TNFSF4: variants seen among roughly 807,000 people sequenced by gnomAD.
TNFSF4 encodes the protein tumor necrosis factor ligand superfamily member 4.
A neutral mutation model predicts 7.3 loss-of-function variants in TNFSF4; 4 were observed. The observed-to-expected ratio is 0.55, with a 90% confidence interval of 0.27 to 1.25. The LOEUF (loss-of-function observed/expected upper bound fraction) is 1.25. Among genes scored for constraint, TNFSF4 ranks in the 50% most tolerant of loss-of-function variants. The pLI is 0.12. For missense variants in TNFSF4, 181 were observed against 208.8 expected (o/e 0.87, Z 0.82); for synonymous variants, 76 against 83.7 (o/e 0.91, Z 0.50).
chr1:173,330,188 C>A, the TNFSF4 span, among the ~76,000 whole-genome samples: 2 of 152,022 alleles, frequency 1.3e-5, no homozygotes, highest in Admixed American at 1.3e-4. Flanking sequence ...TGTTCAAAAG[C>A]AATTCAACAT....
At chr1:173,288,733 TGTGA>T in the TNFSF4 span, among the ~76,000 whole-genome samples, 1 of 152,018 alleles carries the variant, frequency 6.6e-6, no homozygotes, top group Non-Finnish European at 1.5e-5. Flanking sequence ...AAAACACAAT[TGTGA>T]GTAATTCATG....
the TNFSF4 span, among the ~76,000 whole-genome samples, chr1:173,428,899 C>T: frequency 4.6e-5 from 7 of 151,740 alleles, no homozygotes; most frequent in African/African-American, 1.5e-4. Flanking sequence ...CCCAGCTATT[C>T]GGGAGTCTGA....
At chr1:173,448,950 G>A in the TNFSF4 span, among the ~76,000 whole-genome samples, 1 of 152,172 alleles carries the variant, frequency 6.6e-6, no homozygotes, top group African/African-American at 2.4e-5. Context: ...GAAACCAACC[G>A]ATAAAGTTTG....
the TNFSF4 span, among the ~76,000 whole-genome samples, chr1:173,378,326 C>T: frequency 6.6e-6 from 1 of 152,128 alleles, no homozygotes; most frequent in Non-Finnish European, 1.5e-5. Context: ...GTTTCTGCTG[C>T]TGCATCCGGG....
At chr1:173,368,713 G>T in the TNFSF4 span, among the ~76,000 whole-genome samples, 5 of 152,120 alleles carry the variant, frequency 3.3e-5, no homozygotes, top group Non-Finnish European at 7.4e-5. Flanking sequence ...CAACAAGTTG[G>T]TTGACCCTGC....
At chr1:173,187,709 C>A (rs969239928) in intron 2 of TNFSF4, among the ~76,000 whole-genome samples, 1 of 152,156 alleles carries the variant, frequency 6.6e-6, no homozygotes, top group African/African-American at 2.4e-5. Flanking sequence ...GAGTAGGAGG[C>A]AGTGATAGAC....
downstream of TNFSF4, among the ~76,000 whole-genome samples, chr1:173,182,061 TA>T (rs1336684481): frequency 6.6e-6 from 1 of 152,216 alleles, no homozygotes; most frequent in Non-Finnish European, 1.5e-5. Flanking sequence ...TTTGATATTT[TA>T]AAATGCTACT....
chr1:173,346,809 T>C, the TNFSF4 span, among the ~76,000 whole-genome samples: 5 of 152,178 alleles, frequency 3.3e-5, no homozygotes, highest in Admixed American at 2.0e-4. Context: ...CATTATATTA[T>C]TGAATAATCA....
At chr1:173,324,428 A>G in the TNFSF4 span, among the ~76,000 whole-genome samples, 3 of 152,238 alleles carry the variant, frequency 2.0e-5, no homozygotes, top group Non-Finnish European at 4.4e-5. Context: ...TGTAAAGACC[A>G]TCAAGGCTAG....
chr1:173,208,287 G>A (rs1460796874), upstream of TNFSF4, among the ~76,000 whole-genome samples: 1 of 152,112 alleles, frequency 6.6e-6, no homozygotes, highest in Non-Finnish European at 1.5e-5. Flanking sequence ...AGGATGCTGG[G>A]GAAAAGCTGT....
chr1:173,414,715 G>C, the TNFSF4 span, among the ~76,000 whole-genome samples: 1 of 152,198 alleles, frequency 6.6e-6, no homozygotes, highest in Admixed American at 6.5e-5. Flanking sequence ...GTCAGCCCTG[G>C]AGCGAGGGGA....
At chr1:173,379,029 T>C in the TNFSF4 span, among the ~76,000 whole-genome samples, 1 of 151,534 alleles carries the variant, frequency 6.6e-6, no homozygotes, top group Non-Finnish European at 1.5e-5. Context: ...CTGATAGATA[T>C]ACAGATGTCC....
chr1:173,282,695 G>C, the TNFSF4 span, among the ~76,000 whole-genome samples: 4 of 152,128 alleles, frequency 2.6e-5, no homozygotes, highest in Non-Finnish European at 5.9e-5. Context: ...CTGACCTTGT[G>C]ATCCACCCAC....
chr1:173,281,362 T>C, the TNFSF4 span, among the ~76,000 whole-genome samples: 24 of 152,330 alleles, frequency 1.6e-4, no homozygotes, highest in East Asian at 4.4e-3. Context: ...TATAGAAACC[T>C]GGCTTTTTAG....
the TNFSF4 span, among the ~76,000 whole-genome samples, chr1:173,268,249 C>G: frequency 6.6e-6 from 1 of 152,086 alleles, no homozygotes; most frequent in Non-Finnish European, 1.5e-5. Context: ...AAAACAGCAG[C>G]AAATATAATA....
At chr1:173,382,125 A>G in the TNFSF4 span, among the ~76,000 whole-genome samples, 3 of 152,024 alleles carry the variant, frequency 2.0e-5, no homozygotes, top group East Asian at 5.8e-4. Flanking sequence ...GGTCCACACT[A>G]CCTTTATGAG....
chr1:173,237,324 A>T, the TNFSF4 span, among the ~76,000 whole-genome samples: 1 of 152,208 alleles, frequency 6.6e-6, no homozygotes, highest in African/African-American at 2.4e-5. Context: ...AAACTACATG[A>T]TTATCTCAAT....
chr1:173,174,548 GGT>G, the TNFSF4 span: 1 of 152,264 alleles, frequency 6.6e-6, no homozygotes, highest in Non-Finnish European at 1.5e-5. Context: ...AACTTACAAT[GGT>G]GGCAGGGGAA....
chr1:173,423,426 C>G, the TNFSF4 span, among the ~76,000 whole-genome samples: 2 of 152,180 alleles, frequency 1.3e-5, no homozygotes, highest in Non-Finnish European at 2.9e-5. Flanking sequence ...CCCTCCCTCC[C>G]CCACAGCACA....
Sources: allele counts gnomAD v4.1 joint callset (sites outside exome capture counted in the v4.1 genomes callset), GRCh38; gene constraint gnomAD v4.1.1; transcripts MANE v1.5; gene names NCBI Gene and HGNC (gene_info 2026-07-23, HGNC 2026-07-21).